ABR: variants seen among roughly 807,000 people sequenced by gnomAD.
The protein encoded by ABR is active breakpoint cluster region-related protein.
Under a neutral mutation model 107.2 loss-of-function variants are expected in ABR, and 35 were observed. The ratio of observed to expected loss-of-function variants is 0.33; its 90% confidence interval spans 0.25 to 0.43. ABR has a LOEUF of 0.43. Ranked by LOEUF, ABR falls within the 20% of genes least tolerant of loss-of-function variation. The probability of loss-of-function intolerance (pLI) is 1.00; values close to 1 mark genes in which losing one functional copy is unlikely to be tolerated. For missense variants in ABR, 815 were observed against 1,115.2 expected, an observed-to-expected ratio of 0.73 and a Z score of 3.83; for synonymous variants, 498 against 462.0, an observed-to-expected ratio of 1.08 and a Z score of -1.00.
chr17:1,224,228 C>T (rs567154321), intron 1 of ABR, among the ~76,000 whole-genome samples: 3 of 152,052 alleles, frequency 2.0e-5, no homozygotes, highest in Non-Finnish European at 4.4e-5. Context: ...CACACCAACA[C>T]GGCCTGGTCT....
At chr17:1,022,521 G>T (rs879599509) in intron 16 of ABR, 1 of 154,636 alleles carries the variant, frequency 6.5e-6, no homozygotes, top group Middle Eastern at 5.3e-4. Context: ...TTCCGTCAAC[G>T]TGACTGCTCC....
At chr17:1,068,011 C>A (rs1214260517) in intron 9 of ABR, among the ~76,000 whole-genome samples, 1 of 152,212 alleles carries the variant, frequency 6.6e-6, no homozygotes, top group East Asian at 1.9e-4. Context: ...CCACTCACTC[C>A]AACCTCTGCC....
At chr17:1,007,366 G>T in intron 21 of ABR, 54 bp from the exon 22 acceptor site, 1 of 1,605,610 alleles carries the variant, frequency 6.2e-7, no homozygotes, top group South Asian at 1.1e-5. Context: ...GCCACTCGGA[G>T]CTCCAGGACC....
At chr17:1,204,669 C>A (rs1395609543) in intron 1 of ABR, among the ~76,000 whole-genome samples, 1 of 152,108 alleles carries the variant, frequency 6.6e-6, no homozygotes, top group Non-Finnish European at 1.5e-5. Context: ...CAGGTTCGTA[C>A]CTAGGAGCAG....
intron 3 of ABR, among the ~76,000 whole-genome samples, chr17:1,096,760 G>A (rs1377874049): frequency 6.9e-6 from 1 of 144,474 alleles, no homozygotes; most frequent in Admixed American, 6.9e-5. Context: ...GGGAAGGGGG[G>A]AACCTGCCCC....
intron 1 of ABR, among the ~76,000 whole-genome samples, chr17:1,173,309 CCCCCCAT>C (rs2041810133): frequency 7.3e-6 from 1 of 136,714 alleles, no homozygotes; most frequent in Non-Finnish European, 1.6e-5. Context: ...TCAGTCCACC[CCCCCCAT>C]CACCTCAGCC....
intron 1 of ABR, among the ~76,000 whole-genome samples, chr17:1,211,637 C>A (rs148523604): frequency 6.6e-6 from 1 of 152,148 alleles, no homozygotes; most frequent in Non-Finnish European, 1.5e-5. Context: ...GGCACAGAGA[C>A]GTGAAATAAC....
chr17:1,164,548 T>TG (rs1461927408), intron 1 of ABR, among the ~76,000 whole-genome samples: 1 of 150,896 alleles, frequency 6.6e-6, no homozygotes, highest in Non-Finnish European at 1.5e-5. Context: ...GAACGTCAGG[T>TG]GAGCAACAGA....
At chr17:1,083,468 C>A (rs2036396695) in intron 5 of ABR, 52 bp downstream of exon 5, 1 of 1,368,096 alleles carries the variant, frequency 7.3e-7, no homozygotes, top group Non-Finnish European at 1.0e-6. Flanking sequence ...GGGCTCTGAG[C>A]AGCCCCCAAA....
Position 1,027,086 on chromosome 17 carries a change from G to C in ABR, c.1792-13922C>G, listed in dbSNP as rs940624423. 2.6e-5 allele frequency among the ~76,000 whole-genome samples: 4 copies of C among 152,176 alleles called. No homozygotes were observed. Among genetic ancestry groups the C allele is most frequent in the African/African-American group, 9.6e-5 (4 of 41,458 alleles). On this transcript the variant is annotated intron_variant, in intron 16 of 22. Transcript: ENST00000302538. This position sits in a 1 kb window ranked among gnomAD's most constrained non-coding sequence, Gnocchi z 4.7. ...CCCCCAGCCACACCTGCAGGCTTGGGGGCTCCTTCCAAAATGTCTGGGGCC... is the reference window on the plus strand; with the variant it reads ...CCCCCAGCCACACCTGCAGGCTTGGCGGCTCCTTCCAAAATGTCTGGGGCC...
Position 1,058,977 on chromosome 17 carries a change from A to G in ABR, c.1183-110T>C, listed in dbSNP as rs2033644050. Reference sequence around the variant, plus strand: ...TTAACATGCTCTTTACATTTTCCGTATTTCGTGATGTTTTGACATCTTGTG... The same window carrying G: ...TTAACATGCTCTTTACATTTTCCGTGTTTCGTGATGTTTTGACATCTTGTG... On this transcript the variant is annotated intron_variant, in intron 10 of 22. Coordinates refer to ENST00000302538, the MANE Select transcript of ABR (RefSeq NM_021962.5). 3 of 1,479,972 alleles carry G rather than the reference A, an allele frequency of 2.0e-6. No individual in the cohort carries two copies. In the East Asian group the frequency reaches 6.9e-5, roughly 34 times the overall value. 91.7% of individuals were successfully genotyped at this position (1,479,972 alleles called of 1,614,324 possible).
rs2035103520 is a variant in ABR at position 1,070,102 on chromosome 17, G to A, written c.895-12C>T. 6.2e-7 allele frequency: 1 copy of A among 1,613,392 alleles called. No homozygotes were observed. The highest frequency in any genetic ancestry group is 1.1e-5 in the South Asian group (1 of 91,028). Reference sequence around the variant, plus strand: ...ACCAGCTGTCGCGTCTGAGGGAGATGGCAGACCCCCCAGCCTGCTCAGAGG... The same window carrying A: ...ACCAGCTGTCGCGTCTGAGGGAGATAGCAGACCCCCCAGCCTGCTCAGAGG... On this transcript the variant is annotated splice_polypyrimidine_tract_variant and intron_variant, in intron 8 of 22. Coordinates refer to ENST00000302538, the MANE Select transcript of ABR (RefSeq NM_021962.5). This position sits in a 1 kb window ranked among gnomAD's most constrained non-coding sequence, Gnocchi z 4.2.
At chr17:1,161,689 G>A (rs762854093) in intron 1 of ABR, among the ~76,000 whole-genome samples, 2 of 151,872 alleles carry the variant, frequency 1.3e-5, no homozygotes, top group Non-Finnish European at 2.9e-5. Flanking sequence ...CTAGTAGCTA[G>A]GATTACAGGC....
upstream of ABR, among the ~76,000 whole-genome samples, chr17:1,180,083 C>A (rs2042080395): frequency 6.7e-6 from 1 of 149,444 alleles, no homozygotes; most frequent in Admixed American, 6.6e-5. Context: ...AGGGACCAAT[C>A]GGCTCGAGGC....
At chr17:1,128,373 C>G (rs921948271) in intron 1 of ABR, among the ~76,000 whole-genome samples, 1 of 152,240 alleles carries the variant, frequency 6.6e-6, no homozygotes, top group African/African-American at 2.4e-5. Flanking sequence ...GAAGAAAAGG[C>G]AGACAAGGCA....
At chr17:1,177,297 T>C (rs575608042) in intron 1 of ABR, among the ~76,000 whole-genome samples, 2 of 152,308 alleles carry the variant, frequency 1.3e-5, no homozygotes, top group African/African-American at 4.8e-5. Context: ...AGCCTCCTGC[T>C]ACAGCTCTCC....
chr17:1,091,886 G>A (rs2037055848), intron 3 of ABR, 36 bp from the exon 4 acceptor site: 1 of 1,588,780 alleles, frequency 6.3e-7, no homozygotes, highest in South Asian at 1.1e-5. Flanking sequence ...CAGAGGTCGG[G>A]GGTAAACAAA....
chr17:1,083,304 C>A, intron 5 of ABR: 1 of 173,506 alleles, frequency 5.8e-6, no homozygotes. Context: ...CTGTTCCTCT[C>A]TCTAATCTGA....
chr17:1,207,543 G>T (rs1177405353), intron 1 of ABR, among the ~76,000 whole-genome samples: 1 of 150,110 alleles, frequency 6.7e-6, no homozygotes, highest in East Asian at 2.0e-4. Flanking sequence ...CAGCTACTCA[G>T]GAGGCTGAGC....
Sources: allele counts gnomAD v4.1 joint callset (sites outside exome capture counted in the v4.1 genomes callset), GRCh38; gene constraint gnomAD v4.1.1; non-coding constraint Gnocchi (gnomAD v3.1); transcripts MANE v1.5; gene names NCBI Gene and HGNC (gene_info 2026-07-23, HGNC 2026-07-21).